Variants in MAP2K4 observed in about 807,000 individuals in gnomAD.
MAP2K4 encodes the protein dual specificity mitogen-activated protein kinase kinase 4.
In MAP2K4, 4 loss-of-function variants were observed where a neutral mutation model predicts 48.5. The observed-to-expected ratio is 0.08, with a 90% CI of 0.04 to 0.19. The LOEUF (loss-of-function observed/expected upper bound fraction) is 0.19. Among genes scored for constraint, MAP2K4 ranks in the 10% least tolerant of loss-of-function variants. MAP2K4 has a pLI of 1.00. For missense variants in MAP2K4, 258 were observed against 493.3 expected (o/e 0.52, Z 4.52); for synonymous variants, 166 against 173.1 (o/e 0.96, Z 0.32).
At chr17:12,075,218 G>A (rs1970962484) in intron 2 of MAP2K4, among the ~76,000 whole-genome samples, 2 of 152,178 alleles carry the variant, frequency 1.3e-5, no homozygotes, top group African/African-American at 4.8e-5. Flanking sequence ...CTCGAGGAGA[G>A]AACAGACTGG....
intron 7 of MAP2K4, among the ~76,000 whole-genome samples, chr17:12,118,278 C>T (rs1009786841): frequency 7.2e-5 from 11 of 152,244 alleles, no homozygotes; most frequent in African/African-American, 1.9e-4. Flanking sequence ...GCTGATGAGA[C>T]AGCCCCTGCA....
intron 6 of MAP2K4, 82 bp downstream of exon 6, chr17:12,110,508 T>A: frequency 6.1e-6 from 6 of 984,740 alleles, no homozygotes; most frequent in Non-Finnish European, 9.6e-6. Flanking sequence ...AATTACAGTG[T>A]CACTGTATAA....
chr17:12,121,753 A>G (rs557341007), intron 7 of MAP2K4, among the ~76,000 whole-genome samples: 3 of 152,266 alleles, frequency 2.0e-5, no homozygotes, highest in Admixed American at 6.5e-5. Context: ...TCAGACTACA[A>G]CTATTTTTAG....
intron 4 of MAP2K4, among the ~76,000 whole-genome samples, chr17:12,097,983 T>A (rs1971814557): frequency 6.6e-6 from 1 of 152,188 alleles, no homozygotes; most frequent in Admixed American, 6.5e-5. Flanking sequence ...CAGAATGCAG[T>A]CTGTAATAGG....
At chr17:12,080,297 T>G (rs546115778) in intron 2 of MAP2K4, among the ~76,000 whole-genome samples, 2 of 152,122 alleles carry the variant, frequency 1.3e-5, no homozygotes, top group Non-Finnish European at 2.9e-5. Flanking sequence ...TTAAAAGAGA[T>G]CCTGATCATT....
intron 10 of MAP2K4, 32 bp from the exon 11 acceptor site, chr17:12,141,115 T>A: frequency 7.1e-7 from 1 of 1,417,400 alleles, no homozygotes; most frequent in Non-Finnish European, 1.0e-6. Context: ...TCATACAAAC[T>A]TTTGACTTTT....
intron 2 of MAP2K4, among the ~76,000 whole-genome samples, chr17:12,068,645 G>C (rs1406298262): frequency 2.0e-5 from 3 of 152,036 alleles, no homozygotes; most frequent in Non-Finnish European, 2.9e-5. Flanking sequence ...ACTGGGTATG[G>C]AGCATCTGTA....
intron 4 of MAP2K4, among the ~76,000 whole-genome samples, chr17:12,096,067 TCCCCCCCCCCCC>T (rs570546554): frequency 0.092 from 2,195 of 23,806 alleles, 597 homozygotes; most frequent in East Asian, 0.3. Context: ...GAGCAACGCC[TCCCCCCCCCCCC>T]CCCCCCCCCG....
intron 2 of MAP2K4, among the ~76,000 whole-genome samples, chr17:12,066,912 C>T (rs1404465726): frequency 3.9e-5 from 6 of 152,178 alleles, no homozygotes; most frequent in African/African-American, 9.7e-5. Flanking sequence ...CTCCTGACCT[C>T]GTGATCCGCC....
intron 2 of MAP2K4, among the ~76,000 whole-genome samples, chr17:12,073,770 ATTTT>A (rs200587573): frequency 9.6e-4 from 132 of 137,720 alleles, no homozygotes; most frequent in Non-Finnish European, 1.6e-3. Context: ...CTCGTTGTAG[ATTTT>A]TTTTTTTTTT....
chr17:12,027,102 T>A (rs1175966415), intron 1 of MAP2K4: 3 of 152,224 alleles, frequency 2.0e-5, no homozygotes, highest in Non-Finnish European at 4.4e-5. Flanking sequence ...GGTTAGCTTC[T>A]AGCTGTTTCC....
chr17:12,056,749 C>G (rs1311440180), intron 2 of MAP2K4, among the ~76,000 whole-genome samples: 2 of 152,048 alleles, frequency 1.3e-5, no homozygotes, highest in Non-Finnish European at 2.9e-5. Flanking sequence ...CTTCCCAGCC[C>G]CTTCCAAAAG....
chr17:12,139,548 A>G (rs1333720284), intron 9 of MAP2K4, among the ~76,000 whole-genome samples: 1 of 152,196 alleles, frequency 6.6e-6, no homozygotes, highest in African/African-American at 2.4e-5. Flanking sequence ...TATATATTTA[A>G]CTGTAGTATT....
chr17:12,094,529 G>T (rs1047930700), intron 3 of MAP2K4, among the ~76,000 whole-genome samples: 7 of 152,168 alleles, frequency 4.6e-5, no homozygotes, highest in African/African-American at 1.7e-4. Flanking sequence ...AACTTGCCTT[G>T]TAAGTACACA....
intron 4 of MAP2K4, among the ~76,000 whole-genome samples, chr17:12,098,802 C>T (rs1232970829): frequency 6.6e-6 from 1 of 152,138 alleles, no homozygotes; most frequent in African/African-American, 2.4e-5. Flanking sequence ...TATACAACCA[C>T]TAGACTCAGC....
intron 2 of MAP2K4, among the ~76,000 whole-genome samples, chr17:12,073,717 A>G (rs1046297312): frequency 1.3e-5 from 2 of 151,992 alleles, no homozygotes; most frequent in East Asian, 1.9e-4. Context: ...TGCCATCACC[A>G]TAGTCAAGTT....
In MAP2K4 at chr17:12,142,370, C is replaced by G; in HGVS notation, c.*1110C>G. ...GGTCTTCAGTTTCCGAATCTCTTTC[C>G]CTTCCCCTGTGGTCTATTGTCGCTA... On this transcript the variant is annotated 3_prime_UTR_variant, in exon 11 of 11. Coordinates refer to ENST00000353533, the MANE Select transcript of MAP2K4 (RefSeq NM_003010.4). 4.3e-6 allele frequency: 1 copy of G among 233,196 alleles called. No individual in the cohort carries two copies. 14.4% of individuals were successfully genotyped at this position (233,196 alleles called of 1,614,324 possible). A position where few individuals can be genotyped will look rare whatever the true frequency, so the allele number is the denominator to read the frequency against.
intron 7 of MAP2K4, among the ~76,000 whole-genome samples, chr17:12,119,158 A>G (rs1972594238): frequency 6.6e-6 from 1 of 152,226 alleles, no homozygotes; most frequent in African/African-American, 2.4e-5. Flanking sequence ...ATGCCCATAG[A>G]CAAAGTGCAC....
At chr17:12,051,953 T>G (rs1434185079) in intron 1 of MAP2K4, among the ~76,000 whole-genome samples, 1 of 151,896 alleles carries the variant, frequency 6.6e-6, no homozygotes, top group African/African-American at 2.4e-5. Flanking sequence ...TGCCTCCAGG[T>G]AGCCAGAAAC....
Sources: gnomAD v4.1 joint callset for allele counts (sites outside exome capture counted in the v4.1 genomes callset) on GRCh38, gnomAD v4.1.1 for gene constraint, MANE v1.5 for transcripts, NCBI Gene and HGNC (gene_info 2026-07-23, HGNC 2026-07-21) for gene names.